The following GPR158 variants were observed in gnomAD, a reference collection of about 807,000 sequenced individuals.
The protein encoded by GPR158 is metabotropic glycine receptor.
In GPR158, 30 loss-of-function variants were observed where a neutral mutation model predicts 78.2. That is an observed-to-expected ratio of 0.38 (90% CI 0.29 to 0.52). GPR158 has a LOEUF of 0.52. Among genes scored for constraint, GPR158 ranks in the 20% least tolerant of loss-of-function variants. The pLI is 0.83. For missense variants in GPR158, 1,463 were observed against 1,523.5 expected (o/e 0.96, Z 0.66); for synonymous variants, 581 against 591.1 (o/e 0.98, Z 0.25).
chr10:25,317,716 G>GTTTTGTTTTT lies in GPR158; in HGVS notation c.1009-78191_1009-78190insGTTTTTTTTT, dbSNP rs1554793351. On this transcript the variant is annotated intron_variant, in intron 2 of 10. Coordinates refer to ENST00000376351, the MANE Select transcript of GPR158 (RefSeq NM_020752.3). ...TTAAATTCTGTTTTCTTCGTAAAGT[G>GTTTTGTTTTT]TTTTTTTTTGTTTTGTTTTGTTTTG... 2.1e-3 allele frequency among the ~76,000 whole-genome samples: 288 copies of GTTTTGTTTTT among 134,020 alleles called. 6 individuals are homozygous for GTTTTGTTTTT. Among genetic ancestry groups the GTTTTGTTTTT allele is most frequent in the African/African-American group, 3.1e-3 (98 of 31,208 alleles). The allele number at this position is 134,020 out of a possible 152,430, so 87.9% of individuals were successfully genotyped here.
chr10:25,197,809 C>G (rs1049026736), intron 1 of GPR158, among the ~76,000 whole-genome samples: 2 of 152,170 alleles, frequency 1.3e-5, no homozygotes, highest in African/African-American at 2.4e-5. Flanking sequence ...TTCCTCCTCT[C>G]TCTCTCCTAG....
At chr10:25,517,703 T>A (rs984510067) in intron 5 of GPR158, among the ~76,000 whole-genome samples, 2 of 151,308 alleles carry the variant, frequency 1.3e-5, no homozygotes, top group Non-Finnish European at 3.0e-5. Context: ...GAACCAGCCT[T>A]GCATCCCAGG....
intron 4 of GPR158, among the ~76,000 whole-genome samples, chr10:25,412,824 A>G (rs1211242654): frequency 6.6e-6 from 1 of 152,120 alleles, no homozygotes; most frequent in African/African-American, 2.4e-5. Context: ...AAGCTTTGTT[A>G]TGTTTATTAT....
intron 3 of GPR158, among the ~76,000 whole-genome samples, chr10:25,408,957 C>T (rs183236591): frequency 6.6e-5 from 10 of 152,132 alleles, no homozygotes; most frequent in Non-Finnish European, 1.3e-4. Context: ...AATGCAGGCA[C>T]GTGGAGGCGG....
chr10:25,356,749 C>G (rs1253920650), intron 2 of GPR158, among the ~76,000 whole-genome samples: 6 of 152,030 alleles, frequency 3.9e-5, no homozygotes, highest in Non-Finnish European at 7.4e-5. Flanking sequence ...TGTAAACTGT[C>G]CAGTCTCTGG....
chr10:25,596,507 C>CTATATATA (rs576637004), intron 9 of GPR158, 136 bp from the exon 10 acceptor site: 7 of 591,888 alleles, frequency 1.2e-5, no homozygotes, highest in African/African-American at 1.1e-4. Flanking sequence ...ATCTATCTAT[C>CTATATATA]TATATATATA....
chr10:25,292,156 A>C (rs1367707885), intron 2 of GPR158, among the ~76,000 whole-genome samples: 1 of 152,018 alleles, frequency 6.6e-6, no homozygotes, highest in East Asian at 1.9e-4. Context: ...CTTATGTATC[A>C]ATTGGTTTAT....
chr10:25,547,845 A>C (rs1335609471), intron 5 of GPR158, among the ~76,000 whole-genome samples: 1 of 152,212 alleles, frequency 6.6e-6, no homozygotes, highest in Non-Finnish European at 1.5e-5. Context: ...GTGAGGATTA[A>C]ATGAGTAAAT....
rs115931858 is a variant in GPR158 at position 25,374,887 on chromosome 10, T to G, written c.1009-21024T>G. On this transcript the variant is annotated intron_variant, in intron 2 of 10. Transcript: ENST00000376351. ...AGGTTTTTATGTGAACAAAGTTAACTTTTTTTCTGGTTTAAATGCCTAAGA... is the reference window on the plus strand; with the variant it reads ...AGGTTTTTATGTGAACAAAGTTAACGTTTTTTCTGGTTTAAATGCCTAAGA... 6.0e-3 allele frequency among the ~76,000 whole-genome samples: 913 copies of G among 151,826 alleles called. 10 individuals are homozygous for G. The highest frequency in any genetic ancestry group is 0.021 in the African/African-American group (870 of 41,514).
intron 1 of GPR158, among the ~76,000 whole-genome samples, chr10:25,190,912 G>T (rs1852763264): frequency 6.6e-6 from 1 of 152,176 alleles, no homozygotes; most frequent in South Asian, 2.1e-4. Context: ...TCATTATGGA[G>T]AAATAAGAGA....
rs150246697 is a variant in GPR158 at position 25,598,047 on chromosome 10, G to C, written c.2421G>C (p.Leu807=). Residue 807 remains leucine, a synonymous_variant, in exon 11 of 11, where the codon CTG becomes CTC. Coordinates refer to ENST00000376351, the MANE Select transcript of GPR158 (RefSeq NM_020752.3). ...CAGGGAAATCCAAGGAGGAGACCCTGAAAAACCGAGTCTTCTCACTCAAGA... is the reference window on the plus strand; with the variant it reads ...CAGGGAAATCCAAGGAGGAGACCCTCAAAAACCGAGTCTTCTCACTCAAGA... ...GNTGKSKEET[L]KNRVFSLKKS... 1 of 1,613,902 alleles carries C rather than the reference G, an allele frequency of 6.2e-7. No homozygotes were observed.
chr10:25,390,856 G>T (rs1461444133), intron 2 of GPR158, among the ~76,000 whole-genome samples: 2 of 152,222 alleles, frequency 1.3e-5, no homozygotes, highest in African/African-American at 4.8e-5. Flanking sequence ...CATGTCAGAG[G>T]TCTTCATGGC....
intron 7 of GPR158, among the ~76,000 whole-genome samples, chr10:25,583,890 C>T (rs1400705981): frequency 1.3e-5 from 2 of 152,162 alleles, no homozygotes; most frequent in African/African-American, 4.8e-5. Context: ...GTGGCATTTG[C>T]ACTTTGAAGT....
chr10:25,304,862 T>C (rs1854647698), intron 2 of GPR158, among the ~76,000 whole-genome samples: 1 of 152,206 alleles, frequency 6.6e-6, no homozygotes, highest in African/African-American at 2.4e-5. Context: ...ATACTGGTAA[T>C]ACAATCCAGT....
chr10:25,475,318 A>C (rs2130629128), intron 5 of GPR158: 1 of 152,324 alleles, frequency 6.6e-6, no homozygotes, highest in East Asian at 1.9e-4. Flanking sequence ...CAGAAACATT[A>C]GGATACCTCA....
chr10:25,182,622 G>A (rs1852625999), intron 1 of GPR158, among the ~76,000 whole-genome samples: 1 of 152,174 alleles, frequency 6.6e-6, no homozygotes, highest in Admixed American at 6.5e-5. Context: ...TCAACTTCTG[G>A]ATAAGCCAAA....
chr10:25,297,986 A>G (rs907553293), intron 2 of GPR158, among the ~76,000 whole-genome samples: 19 of 152,232 alleles, frequency 1.2e-4, no homozygotes, highest in African/African-American at 4.6e-4. Flanking sequence ...GGAACTTAGC[A>G]TCTCTGAACC....
intron 6 of GPR158, among the ~76,000 whole-genome samples, chr10:25,567,818 A>G (rs1465972333): frequency 6.6e-6 from 1 of 152,168 alleles, no homozygotes; most frequent in Non-Finnish European, 1.5e-5. Flanking sequence ...GTGAAAGACC[A>G]TGTTGTCCAT....
At chr10:25,361,820 T>C (rs1855646024) in intron 2 of GPR158, among the ~76,000 whole-genome samples, 1 of 152,002 alleles carries the variant, frequency 6.6e-6, no homozygotes, top group African/African-American at 2.4e-5. Context: ...TTATAGGACT[T>C]CTTTATATAT....
Sources: gnomAD v4.1 joint callset for allele counts (sites outside exome capture counted in the v4.1 genomes callset) on GRCh38, gnomAD v4.1.1 for gene constraint, MANE v1.5 for transcripts, NCBI Gene and HGNC (gene_info 2026-07-23, HGNC 2026-07-21) for gene names.